HCN1: variants seen among roughly 807,000 people sequenced by gnomAD.
The protein encoded by HCN1 is potassium/sodium hyperpolarization-activated cyclic nucleotide-gated channel 1.
A neutral mutation model predicts 78.9 loss-of-function variants in HCN1; 13 were observed. That is an observed-to-expected ratio of 0.16 (90% CI 0.11 to 0.26). The LOEUF is 0.26. Ranked by LOEUF, HCN1 falls within the 10% of genes least tolerant of loss-of-function variation. HCN1 has a pLI of 1.00. For missense variants in HCN1, 810 were observed against 1,154.3 expected, an observed-to-expected ratio of 0.70 and a Z score of 4.32; for synonymous variants, 552 against 455.5, an observed-to-expected ratio of 1.21 and a Z score of -2.70.
chr5:45,599,641 G>T (rs1379810460), intron 2 of HCN1, among the ~76,000 whole-genome samples: 1 of 152,014 alleles, frequency 6.6e-6, no homozygotes, highest in Non-Finnish European at 1.5e-5. Context: ...ACAGTTAAAA[G>T]TTCTGTCAGT....
intron 1 of HCN1, among the ~76,000 whole-genome samples, chr5:45,664,472 G>GA (rs755491134): frequency 0.086 from 10,564 of 122,268 alleles, 531 homozygotes; most frequent in Middle Eastern, 0.18. Context: ...ATAAAAAAAA[G>GA]AAAAAAAAAA....
chr5:45,301,735 A>G (rs1745625421), intron 6 of HCN1, among the ~76,000 whole-genome samples: 1 of 151,318 alleles, frequency 6.6e-6, no homozygotes, highest in Non-Finnish European at 1.5e-5. Flanking sequence ...AAAAAAAAAA[A>G]AAAAAGAAAG....
chr5:45,575,608 C>G (rs1479378441), intron 2 of HCN1: 1 of 152,064 alleles, frequency 6.6e-6, no homozygotes, highest in African/African-American at 2.4e-5. Flanking sequence ...TCTACTCTGC[C>G]TGTGCTCTAT....
intron 1 of HCN1, chr5:45,695,158 A>T (rs996805523): frequency 2.6e-5 from 4 of 156,770 alleles, no homozygotes; most frequent in African/African-American, 9.7e-5. Context: ...AGAAAAACAG[A>T]CTAAACACAC....
rs899306579 is a variant in HCN1, at chr5:45,258,711, C to T, written c.*3210G>A. ...ATTTTGTTATAATAGGGCCTTGGGC[C>T]TACTATACAAACCTATTTTGTTTAA... is the stretch of plus-strand genomic sequence containing the variant. On this transcript the variant is annotated 3_prime_UTR_variant, in exon 8 of 8. Coordinates refer to ENST00000303230, the MANE Select transcript of HCN1 (RefSeq NM_021072.4). 6.6e-6 allele frequency: 1 copy of T among 151,460 alleles called. No individual in the cohort carries two copies. Among genetic ancestry groups the T allele is most frequent in the Non-Finnish European group, 1.5e-5 (1 of 67,852 alleles). 9.4% of individuals were successfully genotyped at this position (151,460 alleles called of 1,614,324 possible).
At chr5:45,369,751 C>T (rs955155382) in intron 4 of HCN1, among the ~76,000 whole-genome samples, 1 of 152,028 alleles carries the variant, frequency 6.6e-6, no homozygotes, top group Admixed American at 6.6e-5. Flanking sequence ...AATATCACTG[C>T]ATTGTAGTTT....
At chr5:45,395,857 A>G (rs1400205471) in intron 4 of HCN1, among the ~76,000 whole-genome samples, 3 of 152,154 alleles carry the variant, frequency 2.0e-5, no homozygotes. Context: ...GGGAAAAAAA[A>G]ATCCAATGAA....
intron 4 of HCN1, among the ~76,000 whole-genome samples, chr5:45,377,386 TAATC>T (rs1163044072): frequency 6.6e-6 from 1 of 152,180 alleles, no homozygotes; most frequent in African/African-American, 2.4e-5. Flanking sequence ...TAAATATTAA[TAATC>T]AAAACAAATG....
chr5:45,478,664 A>T (rs897545295), intron 2 of HCN1, among the ~76,000 whole-genome samples: 1 of 152,224 alleles, frequency 6.6e-6, no homozygotes, highest in Non-Finnish European at 1.5e-5. Context: ...AATGCTAGGC[A>T]ACCAGTGTGG....
intron 3 of HCN1, among the ~76,000 whole-genome samples, chr5:45,428,234 T>A (rs1197237406): frequency 2.0e-5 from 3 of 152,082 alleles, no homozygotes; most frequent in Non-Finnish European, 2.9e-5. Flanking sequence ...CTAGTCTCAC[T>A]ATGAAACAAT....
At chr5:45,465,208 C>A (rs993363505) in intron 2 of HCN1, among the ~76,000 whole-genome samples, 2 of 151,948 alleles carry the variant, frequency 1.3e-5, no homozygotes, top group South Asian at 2.1e-4. Flanking sequence ...ACATAAATAA[C>A]CTTTTATGGT....
chr5:45,538,268 A>T (rs1344402900), intron 2 of HCN1, among the ~76,000 whole-genome samples: 1 of 152,134 alleles, frequency 6.6e-6, no homozygotes, highest in African/African-American at 2.4e-5. Flanking sequence ...GGAAATAGAG[A>T]TCCTCTAATT....
chr5:45,402,804 CTT>C (rs1438903702), intron 3 of HCN1, among the ~76,000 whole-genome samples: 2 of 136,798 alleles, frequency 1.5e-5, no homozygotes, highest in Admixed American at 7.4e-5. Flanking sequence ...CCTTTCTTTC[CTT>C]TCTTTCCTCC....
At chr5:45,616,591 T>C (rs1400530683) in intron 2 of HCN1, among the ~76,000 whole-genome samples, 1 of 152,024 alleles carries the variant, frequency 6.6e-6, no homozygotes, top group Non-Finnish European at 1.5e-5. Flanking sequence ...TTCAGTAATG[T>C]TGGAAGTTGG....
intron 5 of HCN1, among the ~76,000 whole-genome samples, chr5:45,327,716 G>A (rs781253255): frequency 1.3e-5 from 2 of 151,496 alleles, no homozygotes; most frequent in Non-Finnish European, 3.0e-5. Flanking sequence ...AATTAACTAG[G>A]GTGGGCCATA....
intron 4 of HCN1, among the ~76,000 whole-genome samples, chr5:45,372,231 T>G (rs1469796717): frequency 1.4e-5 from 1 of 73,808 alleles, no homozygotes; most frequent in Non-Finnish European, 2.2e-5. Flanking sequence ...ATATATAATA[T>G]ATATTATATT....
At chr5:45,430,706 C>T (rs1206796700) in intron 3 of HCN1, among the ~76,000 whole-genome samples, 1 of 151,970 alleles carries the variant, frequency 6.6e-6, no homozygotes, top group African/African-American at 2.4e-5. Flanking sequence ...CTTGTAGTCC[C>T]AGCTACTCAG....
At chr5:45,375,181 ATG>A (rs1747585426) in intron 4 of HCN1, among the ~76,000 whole-genome samples, 1 of 120,174 alleles carries the variant, frequency 8.3e-6, no homozygotes, top group Non-Finnish European at 1.6e-5. Flanking sequence ...ATAATATATA[ATG>A]TATTATATAT....
At chr5:45,527,599 T>C (rs544123056) in intron 2 of HCN1, among the ~76,000 whole-genome samples, 1 of 151,472 alleles carries the variant, frequency 6.6e-6, no homozygotes, top group African/African-American at 2.4e-5. Flanking sequence ...TCATTCTCTC[T>C]CTCTTTTCTC....
Sources: gnomAD v4.1 joint callset for allele counts (sites outside exome capture counted in the v4.1 genomes callset) on GRCh38, gnomAD v4.1.1 for gene constraint, MANE v1.5 for transcripts, NCBI Gene and HGNC (gene_info 2026-07-23, HGNC 2026-07-21) for gene names.